Variants in PPA2 observed in about 807,000 individuals in gnomAD.
The protein encoded by PPA2 is inorganic pyrophosphatase 2, also known as inorganic pyrophosphatase 2, mitochondrial.
Under a neutral mutation model 49.5 loss-of-function variants are expected in PPA2, and 48 were observed. The observed-to-expected ratio is 0.97, with a 90% CI of 0.77 to 1.23. PPA2 has a LOEUF of 1.23. Among genes scored for constraint, PPA2 ranks in the 50% most tolerant of loss-of-function variants. PPA2 has a pLI of 0.00. For synonymous variants in PPA2, 131 were observed against 139.9 expected, an observed-to-expected ratio of 0.94 and a Z score of 0.45; for missense variants, 429 against 410.1, an observed-to-expected ratio of 1.05 and a Z score of -0.40.
intron 5 of PPA2, 44 bp downstream of exon 5, chr4:105,446,339 T>G: frequency 6.6e-7 from 1 of 1,520,280 alleles, no homozygotes; most frequent in East Asian, 2.4e-5. Context: ...AAGGCAATTT[T>G]TTCAGAAGAC....
chr4:105,369,579 T>C lies in PPA2; in HGVS notation c.*146A>G. On this transcript the variant is annotated 3_prime_UTR_variant, in exon 12 of 12. Transcript: ENST00000341695. ...AAGGAGAGTAATTTAAAATTCTTACTGTTTATTTATATATTGCATAGCTCA... is the reference window on the plus strand; with the variant it reads ...AAGGAGAGTAATTTAAAATTCTTACCGTTTATTTATATATTGCATAGCTCA... The C allele has an allele frequency of 1.5e-6, 1 of 667,174 alleles. No homozygotes were observed. Among genetic ancestry groups the C allele is most frequent in the African/African-American group, 1.8e-5 (1 of 54,256 alleles). 41.3% of individuals were successfully genotyped at this position (667,174 alleles called of 1,614,324 possible).
At chr4:105,405,656 G>A (rs766915461) in intron 7 of PPA2, 8 of 1,008,996 alleles carry the variant, frequency 7.9e-6, no homozygotes, top group Non-Finnish European at 9.5e-6. Context: ...AAAAAACAGA[G>A]ACCTTTTGAC....
intron 6 of PPA2, among the ~76,000 whole-genome samples, chr4:105,432,404 T>C (rs569304726): frequency 3.3e-5 from 5 of 152,360 alleles, no homozygotes; most frequent in South Asian, 2.1e-4. Flanking sequence ...GAAAAACTTG[T>C]TGCAATGCAG....
intron 7 of PPA2, among the ~76,000 whole-genome samples, chr4:105,402,667 T>C (rs1722264930): frequency 6.6e-6 from 1 of 152,140 alleles, no homozygotes; most frequent in Non-Finnish European, 1.5e-5. Flanking sequence ...AGCTTTAACT[T>C]TGGGATGGTT....
At chr4:105,420,668 C>T (rs2636713) in intron 7 of PPA2, among the ~76,000 whole-genome samples, 66,076 of 132,556 alleles carry the variant, frequency 0.5, 14,737 homozygotes, top group East Asian at 0.68. Context: ...TCAATTTATA[C>T]ACAGCAATTT....
At chr4:105,456,858 A>C in intron 1 of PPA2, 113 bp from the exon 2 acceptor site, 1 of 792,274 alleles carries the variant, frequency 1.3e-6, no homozygotes, top group South Asian at 3.3e-5. Flanking sequence ...TTTTTTACAA[A>C]GCTAACTTTA....
At chr4:105,395,881 T>C (rs1052771403) in intron 9 of PPA2, among the ~76,000 whole-genome samples, 2 of 152,198 alleles carry the variant, frequency 1.3e-5, no homozygotes, top group South Asian at 2.1e-4. Context: ...TCTTAATCAA[T>C]CAATTAGTGA....
intron 1 of PPA2, among the ~76,000 whole-genome samples, chr4:105,459,285 C>A (rs1472963057): frequency 6.6e-6 from 1 of 152,156 alleles, no homozygotes; most frequent in Admixed American, 6.5e-5. Flanking sequence ...AAAAAAACTT[C>A]TCTTTCATAT....
intron 10 of PPA2, among the ~76,000 whole-genome samples, chr4:105,372,552 G>A (rs1733069306): frequency 1.3e-5 from 2 of 152,152 alleles, no homozygotes; most frequent in African/African-American, 4.8e-5. Context: ...CATAATGTTG[G>A]TAGGCCCCAT....
chr4:105,417,677 C>A (rs1437142040), intron 7 of PPA2, among the ~76,000 whole-genome samples: 1 of 152,070 alleles, frequency 6.6e-6, no homozygotes, highest in Non-Finnish European at 1.5e-5. Flanking sequence ...CAACTGCCTC[C>A]TCCTACAACC....
At chr4:105,449,464 T>A in intron 3 of PPA2, 61 bp from the exon 4 acceptor site, 2 of 1,054,940 alleles carry the variant, frequency 1.9e-6, no homozygotes, top group Non-Finnish European at 2.8e-6. Context: ...TTTTTTCCGT[T>A]ACCTCCCTTA....
intron 10 of PPA2, among the ~76,000 whole-genome samples, chr4:105,371,226 T>C (rs1455668551): frequency 2.6e-5 from 4 of 152,196 alleles, no homozygotes; most frequent in African/African-American, 9.6e-5. Context: ...TATTTAAATA[T>C]ATGTTTGTTC....
chr4:105,459,793 C>T (rs546353148), intron 1 of PPA2, among the ~76,000 whole-genome samples: 3 of 152,308 alleles, frequency 2.0e-5, no homozygotes, highest in Non-Finnish European at 4.4e-5. Flanking sequence ...TCTAAATACA[C>T]TGTATCAAGC....
chr4:105,403,092 C>T (rs1057170358), intron 7 of PPA2, among the ~76,000 whole-genome samples: 3 of 152,020 alleles, frequency 2.0e-5, no homozygotes, highest in Admixed American at 6.6e-5. Context: ...TGTGCAATCA[C>T]GGCTCACTGC....
intron 10 of PPA2, among the ~76,000 whole-genome samples, chr4:105,380,073 C>A (rs1344479078): frequency 2.0e-5 from 3 of 152,152 alleles, no homozygotes; most frequent in Non-Finnish European, 4.4e-5. Context: ...GCTTTTGCTT[C>A]TTTTTATTGC....
At chr4:105,464,981 G>C (rs1481160973) in intron 1 of PPA2, among the ~76,000 whole-genome samples, 1 of 151,824 alleles carries the variant, frequency 6.6e-6, no homozygotes, top group African/African-American at 2.4e-5. Context: ...TTCATATCAA[G>C]GCTGATAGAA....
In PPA2 at chr4:105,424,194, A is replaced by C; in HGVS notation, c.655+2T>G. 6.2e-7 allele frequency: 1 copy of C among 1,600,518 alleles called. No homozygotes were observed. On this transcript the variant is annotated splice_donor_variant, in intron 7 of 11. Transcript: ENST00000341695. LOFTEE classifies it high-confidence loss of function. ...TCACTTTCTGGAAAGTAACAGTCTT[A>C]CCATGAAACTTTGAGGCTTCAGGAT...
chr4:105,390,142 C>T (rs1455253160), intron 9 of PPA2, among the ~76,000 whole-genome samples: 1 of 152,138 alleles, frequency 6.6e-6, no homozygotes, highest in Admixed American at 6.5e-5. Context: ...CTTCCCTACA[C>T]CTTATACAAA....
chr4:105,382,111 T>C (rs1448339851), intron 10 of PPA2, among the ~76,000 whole-genome samples: 2 of 151,988 alleles, frequency 1.3e-5, no homozygotes, highest in Non-Finnish European at 2.9e-5. Flanking sequence ...CAATTTTAAA[T>C]ATTTTAGTTT....
Sources: gnomAD v4.1 joint callset for allele counts (sites outside exome capture counted in the v4.1 genomes callset) on GRCh38, gnomAD v4.1.1 for gene constraint, MANE v1.5 for transcripts, NCBI Gene and HGNC (gene_info 2026-07-23, HGNC 2026-07-21) for gene names.